MEGF11: variants seen among roughly 807,000 people sequenced by gnomAD.
The protein encoded by MEGF11 is multiple EGF like domains 11, also known as multiple epidermal growth factor-like domains protein 11.
MEGF11 carries 126 observed loss-of-function variants against 146.6 expected under a neutral mutation model. The ratio of observed to expected loss-of-function variants is 0.86; its 90% CI spans 0.74 to 1.00. The LOEUF is 1.00. Among genes scored for constraint, MEGF11 ranks in the 50% least tolerant of loss-of-function variants. The probability of loss-of-function intolerance (pLI) is 0.00; values close to 1 mark genes in which losing one functional copy is unlikely to be tolerated. For synonymous variants in MEGF11, 532 were observed against 583.4 expected, an observed-to-expected ratio of 0.91 and a Z score of 1.27; for missense variants, 1,509 against 1,521.2, an observed-to-expected ratio of 0.99 and a Z score of 0.13.
intron 5 of MEGF11, among the ~76,000 whole-genome samples, chr15:65,991,830 C>T (rs1157467435): frequency 6.6e-6 from 1 of 152,220 alleles, no homozygotes; most frequent in Non-Finnish European, 1.5e-5. Flanking sequence ...TGACTGTATC[C>T]ATCTAGGGCT....
chr15:65,932,065 T>A (rs898512733), intron 10 of MEGF11, among the ~76,000 whole-genome samples: 1 of 152,130 alleles, frequency 6.6e-6, no homozygotes, highest in African/African-American at 2.4e-5. Flanking sequence ...TTGAGAATAA[T>A]CCCGATGAGA....
chr15:66,192,063 G>C (rs2090897189), intron 1 of MEGF11, among the ~76,000 whole-genome samples: 1 of 152,132 alleles, frequency 6.6e-6, no homozygotes, highest in African/African-American at 2.4e-5. Context: ...GAGCGACACA[G>C]CAAGACTCCG....
chr15:65,963,777 A>C (rs1255670763), intron 9 of MEGF11, among the ~76,000 whole-genome samples: 1 of 152,138 alleles, frequency 6.6e-6, no homozygotes, highest in African/African-American at 2.4e-5. Flanking sequence ...ACACCACCCC[A>C]GCTGCTCCAC....
At chr15:65,989,950 T>G (rs1254980299) in intron 5 of MEGF11, among the ~76,000 whole-genome samples, 2 of 152,126 alleles carry the variant, frequency 1.3e-5, no homozygotes, top group Admixed American at 1.3e-4. Context: ...TCCCAAAACT[T>G]TGGGAGGCCG....
At chr15:65,973,643 T>C (rs530033972) in intron 7 of MEGF11, among the ~76,000 whole-genome samples, 1 of 152,150 alleles carries the variant, frequency 6.6e-6, no homozygotes, top group Middle Eastern at 3.2e-3. Context: ...AAAACTTTTT[T>C]AAATGATTTA....
chr15:65,914,195 C>T (rs1038636463), intron 19 of MEGF11: 11 of 564,384 alleles, frequency 1.9e-5, no homozygotes, highest in African/African-American at 7.5e-5. Flanking sequence ...TTGTGACTGT[C>T]GATGTGAAAC....
chr15:66,094,773 C>G (rs1188737664), intron 4 of MEGF11, among the ~76,000 whole-genome samples: 1 of 152,182 alleles, frequency 6.6e-6, no homozygotes, highest in East Asian at 1.9e-4. Context: ...AGAACATTTC[C>G]TGCAACGTTT....
intron 7 of MEGF11, among the ~76,000 whole-genome samples, chr15:65,976,064 A>G (rs563986841): frequency 2.6e-5 from 3 of 114,424 alleles, no homozygotes; most frequent in Non-Finnish European, 5.0e-5. Context: ...TTTTTTTGAG[A>G]TGGAGTCTCG....
At chr15:66,141,947 G>A (rs912290262) in intron 1 of MEGF11, among the ~76,000 whole-genome samples, 4 of 152,154 alleles carry the variant, frequency 2.6e-5, no homozygotes, top group South Asian at 2.1e-4. Flanking sequence ...CTTAGGGCAA[G>A]CATTGTGTGT....
intron 1 of MEGF11, among the ~76,000 whole-genome samples, chr15:66,180,460 G>A (rs1404834225): frequency 6.6e-6 from 1 of 152,224 alleles, no homozygotes; most frequent in Non-Finnish European, 1.5e-5. Flanking sequence ...TGGTGATGCT[G>A]TTTTCCTTCA....
chr15:66,008,464 A>C (rs1165620745), intron 5 of MEGF11, among the ~76,000 whole-genome samples: 1 of 151,744 alleles, frequency 6.6e-6, no homozygotes, highest in African/African-American at 2.4e-5. Flanking sequence ...ATTACAGCCT[A>C]GTCTAACTCC....
intron 21 of MEGF11, among the ~76,000 whole-genome samples, chr15:65,910,606 A>G (rs2078770930): frequency 6.6e-6 from 1 of 152,224 alleles, no homozygotes; most frequent in South Asian, 2.1e-4. Context: ...GCTACTCTGC[A>G]GTAATTCCAG....
chr15:66,235,733 C>T (rs570881224), intron 1 of MEGF11, among the ~76,000 whole-genome samples: 1 of 152,236 alleles, frequency 6.6e-6, no homozygotes, highest in Non-Finnish European at 1.5e-5. Flanking sequence ...ATCCTGGAAG[C>T]GTCCCAAGAC....
chr15:66,081,051 T>C (rs957855746), intron 5 of MEGF11, among the ~76,000 whole-genome samples: 23 of 152,354 alleles, frequency 1.5e-4, no homozygotes, highest in African/African-American at 5.3e-4. Flanking sequence ...CAGCACCCTC[T>C]GCACACCCAC....
At chr15:66,198,952 T>A (rs1056530611) in intron 1 of MEGF11, among the ~76,000 whole-genome samples, 1 of 152,090 alleles carries the variant, frequency 6.6e-6, no homozygotes, top group Non-Finnish European at 1.5e-5. Flanking sequence ...AAAAGTTAAA[T>A]AATCATCTCT....
At chr15:65,966,458 G>A (rs1307881834) in intron 8 of MEGF11, among the ~76,000 whole-genome samples, 1 of 152,188 alleles carries the variant, frequency 6.6e-6, no homozygotes, top group Non-Finnish European at 1.5e-5. Flanking sequence ...TTTCTATACA[G>A]TATCTCTGGT....
In MEGF11 at chr15:66,119,103, C is replaced by T. The variant is rs16949528; in HGVS notation, c.284G>A (p.Ser95Asn). The change falls in exon 4 of 26, where the codon AGC becomes AAC. Residue 95 changes from serine to asparagine, a missense_variant. Coordinates refer to ENST00000395614, the MANE Select transcript of MEGF11 (RefSeq NM_001385028.1). ...RSQCCPGYYESGDFCIPLCTE... is the reference protein window; with the variant it reads ...RSQCCPGYYENGDFCIPLCTE... ...CTACATACGTATGCAGAAGTCTCCG[C>T]TCTCATAGTAGCCAGGGCAGCACTG... 0.3 allele frequency: 460,941 copies of T among 1,549,192 alleles called. 73,366 individuals carry two copies. The highest frequency in any genetic ancestry group is 0.53 in the African/African-American group (38,830 of 72,812).
chr15:66,177,508 T>C (rs950612384), intron 1 of MEGF11, among the ~76,000 whole-genome samples: 1 of 152,066 alleles, frequency 6.6e-6, no homozygotes, highest in African/African-American at 2.4e-5. Flanking sequence ...ATTCCTCTCC[T>C]CTGGTTCCAG....
chr15:65,903,614 C>G (rs1057467815), intron 24 of MEGF11, among the ~76,000 whole-genome samples: 5 of 152,214 alleles, frequency 3.3e-5, no homozygotes, highest in Non-Finnish European at 7.3e-5. Context: ...GGACTACAAC[C>G]CACATTCCTT....
Sources: allele counts gnomAD v4.1 joint callset (sites outside exome capture counted in the v4.1 genomes callset), GRCh38; gene constraint gnomAD v4.1.1; transcripts MANE v1.5; gene names NCBI Gene and HGNC (gene_info 2026-07-23, HGNC 2026-07-21).